Variants in RPS6KC1 observed in about 807,000 individuals in gnomAD.
RPS6KC1 encodes the protein ribosomal protein S6 kinase C1.
A neutral mutation model predicts 103.8 loss-of-function variants in RPS6KC1; 54 were observed. The ratio of observed to expected loss-of-function variants is 0.52; its 90% CI spans 0.42 to 0.65. RPS6KC1 has a LOEUF of 0.65. RPS6KC1 is among the 30% of genes least tolerant of loss of function. The pLI is 0.00. For synonymous variants in RPS6KC1, 439 were observed against 438.7 expected (o/e 1.00, Z -0.01); for missense variants, 1,151 against 1,253.8 (o/e 0.92, Z 1.24).
the RPS6KC1 span, among the ~76,000 whole-genome samples, chr1:213,614,159 G>T: frequency 6.6e-6 from 1 of 152,208 alleles, no homozygotes; most frequent in Non-Finnish European, 1.5e-5. Flanking sequence ...GCCTCCCAGA[G>T]AGGTGAAGTG....
chr1:213,487,495 ATT>A, the RPS6KC1 span, among the ~76,000 whole-genome samples: 1 of 149,202 alleles, frequency 6.7e-6, no homozygotes. Flanking sequence ...AGCCTGAGTG[ATT>A]TTTTTTTTTA....
the RPS6KC1 span, among the ~76,000 whole-genome samples, chr1:213,443,118 G>A: frequency 6.6e-6 from 1 of 152,162 alleles, no homozygotes; most frequent in African/African-American, 2.4e-5. Context: ...GGTTGGAAAT[G>A]GAAGCAATTT....
At chr1:213,167,836 A>G in intron 6 of RPS6KC1, 22 bp from the exon 7 acceptor site, 1 of 1,525,774 alleles carries the variant, frequency 6.6e-7, no homozygotes, top group Non-Finnish European at 9.0e-7. Flanking sequence ...TATTTTTTAC[A>G]TGTCCAGACT....
the RPS6KC1 span, among the ~76,000 whole-genome samples, chr1:213,462,607 A>G: frequency 6.6e-6 from 1 of 152,220 alleles, no homozygotes; most frequent in African/African-American, 2.4e-5. Context: ...CTTTGCAGAG[A>G]CATGGATGAA....
the RPS6KC1 span, among the ~76,000 whole-genome samples, chr1:213,532,777 G>A: frequency 6.6e-6 from 1 of 152,188 alleles, no homozygotes. Flanking sequence ...AAGCAACTGC[G>A]TCATGGATTT....
intron 6 of RPS6KC1, among the ~76,000 whole-genome samples, chr1:213,131,955 G>A (rs1185433459): frequency 6.6e-6 from 1 of 152,178 alleles, no homozygotes; most frequent in African/African-American, 2.4e-5. Context: ...ACACATCAGT[G>A]TGGTCAGTGT....
chr1:213,419,027 G>A, the RPS6KC1 span, among the ~76,000 whole-genome samples: 9 of 152,180 alleles, frequency 5.9e-5, no homozygotes, highest in South Asian at 2.1e-4. Context: ...CCCAACCCAC[G>A]CACATTCTCT....
At chr1:213,096,454 C>A (rs1352878963) in intron 3 of RPS6KC1, among the ~76,000 whole-genome samples, 2 of 151,928 alleles carry the variant, frequency 1.3e-5, no homozygotes, top group Non-Finnish European at 2.9e-5. Context: ...TTTGGGAGGG[C>A]AGGGTGGGTG....
chr1:213,271,074 C>G (rs2095036782), intron 14 of RPS6KC1, among the ~76,000 whole-genome samples: 1 of 152,190 alleles, frequency 6.6e-6, no homozygotes, highest in South Asian at 2.1e-4. Context: ...AATTCTGCTT[C>G]TAGCAATGTA....
chr1:213,075,823 A>G (rs1354608004), intron 2 of RPS6KC1, among the ~76,000 whole-genome samples: 1 of 152,206 alleles, frequency 6.6e-6, no homozygotes, highest in Non-Finnish European at 1.5e-5. Context: ...TCTTTTAGAA[A>G]CTTCACCCCC....
At chr1:213,716,120 C>G in the RPS6KC1 span, among the ~76,000 whole-genome samples, 1 of 152,026 alleles carries the variant, frequency 6.6e-6, no homozygotes, top group Non-Finnish European at 1.5e-5. Flanking sequence ...TCAAAGAATC[C>G]AAGAAATTCT....
At chr1:213,245,100 A>G (rs58305443) in intron 12 of RPS6KC1, among the ~76,000 whole-genome samples, 1,602 of 152,264 alleles carry the variant, frequency 0.011, 31 homozygotes, top group African/African-American at 0.036. Context: ...GGTTAAGTCT[A>G]TGTGCTCGTA....
chr1:213,254,357 GAT>G (rs932991565), intron 12 of RPS6KC1, among the ~76,000 whole-genome samples: 1 of 152,142 alleles, frequency 6.6e-6, no homozygotes, highest in Non-Finnish European at 1.5e-5. Flanking sequence ...ATAATGGTTA[GAT>G]TTAGTGACCC....
the RPS6KC1 span, among the ~76,000 whole-genome samples, chr1:213,635,063 C>T: frequency 6.6e-6 from 1 of 152,264 alleles, no homozygotes; most frequent in African/African-American, 2.4e-5. Flanking sequence ...CCTCCCAAAA[C>T]TAACCCAGGA....
the RPS6KC1 span, among the ~76,000 whole-genome samples, chr1:213,799,531 A>G: frequency 2.0e-5 from 3 of 152,170 alleles, no homozygotes; most frequent in Non-Finnish European, 2.9e-5. Flanking sequence ...TTTTCTACTT[A>G]AAAAAAGAAA....
the RPS6KC1 span, among the ~76,000 whole-genome samples, chr1:213,662,428 A>ATTTT: frequency 7.9e-4 from 95 of 120,914 alleles, no homozygotes; most frequent in African/African-American, 1.2e-3. Context: ...CACCTGGCTA[A>ATTTT]TTTTTTTTTT....
the RPS6KC1 span, among the ~76,000 whole-genome samples, chr1:213,456,685 T>G: frequency 6.6e-6 from 1 of 152,236 alleles, no homozygotes; most frequent in Non-Finnish European, 1.5e-5. Context: ...ATTTGCCTAT[T>G]AAAATGTTCT....
At chr1:213,703,663 G>A in the RPS6KC1 span, among the ~76,000 whole-genome samples, 7 of 152,052 alleles carry the variant, frequency 4.6e-5, no homozygotes, top group South Asian at 2.1e-4. Flanking sequence ...ATGTCATGCC[G>A]TTCTCTCCTG....
chr1:213,682,104 C>T, the RPS6KC1 span, among the ~76,000 whole-genome samples: 16 of 152,216 alleles, frequency 1.1e-4, no homozygotes, highest in Non-Finnish European at 2.4e-4. Context: ...GAGGACAGTA[C>T]TGGCTTTAGC....
Sources: allele counts gnomAD v4.1 joint callset (sites outside exome capture counted in the v4.1 genomes callset), GRCh38; gene constraint gnomAD v4.1.1; transcripts MANE v1.5; gene names NCBI Gene and HGNC (gene_info 2026-07-23, HGNC 2026-07-21).